Variants in KIAA1549 observed in about 807,000 individuals in gnomAD.
The protein encoded by KIAA1549 is KIAA1549.
KIAA1549 carries 70 observed loss-of-function variants against 156.4 expected under a neutral mutation model. That is an observed-to-expected ratio of 0.45 (90% CI 0.37 to 0.55). The LOEUF (loss-of-function observed/expected upper bound fraction) is 0.55. KIAA1549 is among the 20% of genes least tolerant of loss of function. KIAA1549 has a pLI of 0.00. For synonymous variants in KIAA1549, 1,103 were observed against 1,066.4 expected, an observed-to-expected ratio of 1.03 and a Z score of -0.67; for missense variants, 2,428 against 2,540.9, an observed-to-expected ratio of 0.96 and a Z score of 0.96.
chr7:138,901,476 C>G (rs1811840174), intron 8 of KIAA1549, among the ~76,000 whole-genome samples: 1 of 152,036 alleles, frequency 6.6e-6, no homozygotes, highest in African/African-American at 2.4e-5. Flanking sequence ...CAGGCACACA[C>G]CACCATGCCC....
intron 1 of KIAA1549, among the ~76,000 whole-genome samples, chr7:138,928,926 G>A (rs1308519640): frequency 1.3e-5 from 2 of 151,898 alleles, no homozygotes; most frequent in South Asian, 2.1e-4. Flanking sequence ...TAAAAAAAAT[G>A]TACACATCTT....
At chr7:138,840,686 A>C (rs1369855063) in intron 18 of KIAA1549, among the ~76,000 whole-genome samples, 2 of 152,070 alleles carry the variant, frequency 1.3e-5, no homozygotes, top group Admixed American at 6.5e-5. Flanking sequence ...CTACTTGCTC[A>C]GATCTAAAAA....
At chr7:138,980,525 C>T (rs558256597) in intron 1 of KIAA1549, among the ~76,000 whole-genome samples, 24 of 152,162 alleles carry the variant, frequency 1.6e-4, no homozygotes, top group Non-Finnish European at 3.5e-4. Flanking sequence ...TAGCTATTTC[C>T]CTGGAAAGAT....
At chr7:138,912,319 C>A in intron 3 of KIAA1549, 53 bp downstream of exon 3, 1 of 1,325,958 alleles carries the variant, frequency 7.5e-7, no homozygotes, top group Non-Finnish European at 1.1e-6. Context: ...CTGGGGCTCT[C>A]ACATCAGCCC....
rs539766168 is a variant in KIAA1549 at position 138,865,916 on chromosome 7, CAAG to C, written c.4929+2056_4929+2058del. On this transcript the variant is annotated intron_variant, in intron 15 of 19. Transcript: ENST00000422774. ...CAGGTTGGCTGGAGAAGTGAAGGGACAAGAAGGGATGCTGCCCCTTCTATCTGT... is the reference window on the plus strand; with the variant it reads ...CAGGTTGGCTGGAGAAGTGAAGGGACAAGGGATGCTGCCCCTTCTATCTGT... Among the ~76,000 whole-genome samples the C allele has an allele frequency of 3.3e-5, 5 of 152,288 alleles. No individual in the cohort carries two copies. The South Asian group carries it at 1.0e-3, about 32-fold the overall frequency.
rs1809716318 is a variant in KIAA1549, at chr7:138,836,654, C to T, written c.*1252G>A. The T allele has an allele frequency of 4.6e-6, 1 of 218,274 alleles. No individual in the cohort carries two copies. Among genetic ancestry groups the T allele is most frequent in the South Asian group, 1.8e-4 (1 of 5,414 alleles). 13.5% of individuals were successfully genotyped at this position (218,274 alleles called of 1,614,324 possible). On this transcript the variant is annotated 3_prime_UTR_variant, in exon 20 of 20. Transcript: ENST00000422774. ...GGGGGAAATGTTTACATCAGGAGTA[C>T]ATCTTAAGCGAGATGATCCCCTCTT...
chr7:138,848,054 G>A (rs1287247417), intron 17 of KIAA1549, among the ~76,000 whole-genome samples: 1 of 151,996 alleles, frequency 6.6e-6, no homozygotes, highest in South Asian at 2.1e-4. Context: ...AATTTAGTTG[G>A]CTTGCTATTT....
chr7:138,938,570 G>A lies in KIAA1549; in HGVS notation c.188-19132C>T, dbSNP rs142669901. Among the ~76,000 whole-genome samples, 29 of 152,212 alleles carry A rather than the reference G, an allele frequency of 1.9e-4. No homozygotes were observed. The East Asian group carries it at 5.4e-3, about 28-fold the overall frequency. On this transcript the variant is annotated intron_variant, in intron 1 of 19. Coordinates refer to ENST00000422774, the MANE Select transcript of KIAA1549 (RefSeq NM_001164665.2). ...GAGGGTTCTGTGGGACTCCATGATA[G>A]GGAATGACATGAAGTTAATGTAAAT...
In KIAA1549 at chr7:138,965,482, C is replaced by T. The variant is rs919371694; in HGVS notation, c.187+15601G>A. ...CTGAGATTACAGGCGTGAGCCACCA[C>T]GCCCGGCAACGTTTTCTTATAACAT... On this transcript the variant is annotated intron_variant, in intron 1 of 19. Transcript: ENST00000422774. Among the ~76,000 whole-genome samples the T allele has an allele frequency of 3.3e-5, 5 of 152,164 alleles. No individual in the cohort carries two copies. The East Asian group carries it at 5.8e-4, about 18-fold the overall frequency.
rs939857891 is a variant in KIAA1549, at chr7:138,916,970, T to C, written c.2656A>G (p.Thr886Ala). The C allele has an allele frequency of 5.6e-6, 9 of 1,601,486 alleles. No individual in the cohort carries two copies. The highest frequency in any genetic ancestry group is 3.3e-4 in the Middle Eastern group (2 of 6,006). The change falls in exon 2 of 20, where the codon ACC (threonine) becomes GCC (alanine). Residue 886 changes from threonine to alanine, a missense_variant. This residue lies in a region of KIAA1549 where 762 missense variants were observed against 901.6 expected (regional missense o/e 0.85). Transcript: ENST00000422774. ...PLNTSTEVSTTSTGAATGGPL... is the reference protein window; with the variant it reads ...PLNTSTEVSTASTGAATGGPL... ...CCACCAGTGGCAGCACCGGTGCTGG[T>C]TGTGCTCACTTCCGTGGAGGTGTTC...
chr7:138,895,348 T>A (rs1473120902), intron 9 of KIAA1549, among the ~76,000 whole-genome samples: 1 of 152,210 alleles, frequency 6.6e-6, no homozygotes, highest in Non-Finnish European at 1.5e-5. Flanking sequence ...GCAGCGCTAT[T>A]CACGACAGCC....
chr7:138,930,098 T>C (rs1298197610), intron 1 of KIAA1549, among the ~76,000 whole-genome samples: 2 of 152,222 alleles, frequency 1.3e-5, no homozygotes, highest in Non-Finnish European at 2.9e-5. Flanking sequence ...TCCATCTTGA[T>C]AAGAGTTATT....
At chr7:138,967,132 G>A (rs1814051433) in intron 1 of KIAA1549, among the ~76,000 whole-genome samples, 1 of 152,214 alleles carries the variant, frequency 6.6e-6, no homozygotes, top group South Asian at 2.1e-4. Context: ...GCCCAGCACA[G>A]TGCCTGCACA....
chr7:138,958,882 G>GTT (rs149890898), intron 1 of KIAA1549, among the ~76,000 whole-genome samples: 43 of 150,168 alleles, frequency 2.9e-4, no homozygotes, highest in African/African-American at 1.2e-4. Context: ...TAGCCCAAAG[G>GTT]TTTTTTTTTT....
chr7:138,927,987 C>T (rs1177116892), intron 1 of KIAA1549, among the ~76,000 whole-genome samples: 1 of 149,008 alleles, frequency 6.7e-6, no homozygotes, highest in Non-Finnish European at 1.5e-5. Context: ...GTGGTGCGAT[C>T]TTGGCTCACT....
intron 8 of KIAA1549, among the ~76,000 whole-genome samples, chr7:138,899,671 AC>A (rs1027496180): frequency 2.6e-5 from 4 of 152,028 alleles, no homozygotes; most frequent in African/African-American, 9.7e-5. Flanking sequence ...CCTGCCCTCT[AC>A]CCACCAGGTA....
At chr7:138,943,413 C>A (rs1287108467) in intron 1 of KIAA1549, among the ~76,000 whole-genome samples, 1 of 152,162 alleles carries the variant, frequency 6.6e-6, no homozygotes, top group African/African-American at 2.4e-5. Flanking sequence ...AAAACACCAC[C>A]CAAATGAATA....
intron 1 of KIAA1549, among the ~76,000 whole-genome samples, chr7:138,946,856 C>T (rs1813352878): frequency 6.6e-6 from 1 of 152,164 alleles, no homozygotes; most frequent in Admixed American, 6.5e-5. Context: ...CAAATGCTCG[C>T]AGGCATTGCC....
intron 16 of KIAA1549, among the ~76,000 whole-genome samples, chr7:138,857,684 C>G (rs145384773): frequency 2.0e-5 from 3 of 152,142 alleles, no homozygotes; most frequent in African/African-American, 4.8e-5. Flanking sequence ...CACATAAACA[C>G]GTAAGACTTT....
Sources: allele counts gnomAD v4.1 joint callset (sites outside exome capture counted in the v4.1 genomes callset), GRCh38; gene constraint gnomAD v4.1.1; regional missense constraint gnomAD v4.1.1; transcripts MANE v1.5; gene names NCBI Gene and HGNC (gene_info 2026-07-23, HGNC 2026-07-21).